The following PLCE1 variants were observed in gnomAD, a reference collection of about 807,000 sequenced individuals.
The protein encoded by PLCE1 is 1-phosphatidylinositol 4,5-bisphosphate phosphodiesterase epsilon-1.
PLCE1 carries 119 observed loss-of-function variants against 242.8 expected under a neutral mutation model. The ratio of observed to expected loss-of-function variants is 0.49; its 90% CI spans 0.42 to 0.57. PLCE1 has a LOEUF of 0.57. PLCE1 is among the 20% of genes least tolerant of loss of function. The pLI is 0.00. For missense variants in PLCE1, 2,441 were observed against 2,788.8 expected (o/e 0.88, Z 2.81); for synonymous variants, 945 against 1,017.4 (o/e 0.93, Z 1.35).
chr10:94,006,225 T>C (rs1438795927), intron 1 of PLCE1, among the ~76,000 whole-genome samples: 1 of 152,258 alleles, frequency 6.6e-6, no homozygotes, highest in East Asian at 1.9e-4. Flanking sequence ...TTCATGGGGT[T>C]GTGATGAGGA....
intron 3 of PLCE1, among the ~76,000 whole-genome samples, chr10:94,140,534 C>T (rs961931359): frequency 2.0e-5 from 3 of 152,176 alleles, no homozygotes; most frequent in African/African-American, 7.2e-5. Context: ...CACAGTGAGA[C>T]TCCCATCAAG....
chr10:94,119,299 T>TA (rs1307152223), intron 2 of PLCE1, among the ~76,000 whole-genome samples: 1 of 152,086 alleles, frequency 6.6e-6, no homozygotes, highest in Non-Finnish European at 1.5e-5. Flanking sequence ...CTTCAATACT[T>TA]AAAAAAATAC....
intron 27 of PLCE1, among the ~76,000 whole-genome samples, chr10:94,309,258 G>C (rs2053304470): frequency 6.6e-6 from 1 of 152,218 alleles, no homozygotes; most frequent in African/African-American, 2.4e-5. Context: ...AGATGCAGAA[G>C]CTGCTCCCTT....
rs745620771 is a variant in PLCE1, at chr10:94,284,971, A to G, written c.5035+6A>G. 6 of 1,421,778 alleles carry G rather than the reference A, an allele frequency of 4.2e-6. No homozygotes were observed. The highest frequency in any genetic ancestry group is 1.7e-5 in the Admixed American group (1 of 59,740). The allele number at this position is 1,421,778 out of a possible 1,614,324, so 88.1% of individuals were successfully genotyped here. A position where few individuals can be genotyped will look rare whatever the true frequency, so the allele number is the denominator to read the frequency against. ...TCAAGCAGTAAAATTTCCAGGTAAG[A>G]TTAGGCAATATCATCTATAACTTTT... On this transcript the variant is annotated splice_donor_region_variant and intron_variant, in intron 22 of 32. Transcript: ENST00000371380.
intron 18 of PLCE1, among the ~76,000 whole-genome samples, chr10:94,272,685 C>T (rs995160541): frequency 3.9e-5 from 6 of 152,252 alleles, no homozygotes; most frequent in South Asian, 2.1e-4. Context: ...CTGGTCCCTC[C>T]GTTCGGGATC....
chr10:94,276,223 T>C (rs11187837), intron 19 of PLCE1, among the ~76,000 whole-genome samples: 13,123 of 152,264 alleles, frequency 0.086, 712 homozygotes, highest in East Asian at 0.19. Flanking sequence ...TCCTCTCTTG[T>C]AGCCTGCATT....
chr10:94,002,525 A>T (rs964860441), intron 1 of PLCE1, among the ~76,000 whole-genome samples: 1 of 152,224 alleles, frequency 6.6e-6, no homozygotes, highest in African/African-American at 2.4e-5. Context: ...ACTCATTTTT[A>T]AAAAAATCTT....
chr10:94,095,218 T>C (rs1210403752), intron 2 of PLCE1, among the ~76,000 whole-genome samples: 1 of 152,244 alleles, frequency 6.6e-6, no homozygotes, highest in Non-Finnish European at 1.5e-5. Context: ...GACAGGCACA[T>C]TCAAGAAAGA....
chr10:94,260,837 A>AT (rs1338530803), intron 13 of PLCE1, among the ~76,000 whole-genome samples: 5 of 152,154 alleles, frequency 3.3e-5, no homozygotes, highest in African/African-American at 9.6e-5. Flanking sequence ...CTTAGACTTT[A>AT]TTTTTAGAGC....
At chr10:94,187,349 C>T (rs1313876780) in intron 4 of PLCE1, among the ~76,000 whole-genome samples, 1 of 152,094 alleles carries the variant, frequency 6.6e-6, no homozygotes, top group Non-Finnish European at 1.5e-5. Flanking sequence ...TGTCAGTATT[C>T]ATTCCGTGTA....
chr10:94,280,233 A>C, intron 20 of PLCE1: 1 of 387,384 alleles, frequency 2.6e-6, no homozygotes, highest in Non-Finnish European at 4.9e-6. Flanking sequence ...TAATCTTGGC[A>C]GGAGTCGTAG....
intron 1 of PLCE1, among the ~76,000 whole-genome samples, chr10:94,027,112 C>T: frequency 6.6e-6 from 1 of 152,218 alleles, no homozygotes; most frequent in East Asian, 1.9e-4. Flanking sequence ...CTGAAAACTC[C>T]ACCCCACCTG....
chr10:94,229,467 A>G (rs185224610), intron 5 of PLCE1, among the ~76,000 whole-genome samples: 14 of 152,268 alleles, frequency 9.2e-5, no homozygotes, highest in African/African-American at 3.4e-4. Context: ...GGAATCATAC[A>G]TAGTCACTCT....
In PLCE1 at chr10:94,298,385, G is replaced by T. The variant is rs780773220; in HGVS notation, c.5174G>T (p.Cys1725Phe). ...SFNKTSGKSSCEGIRQTWEES... is the reference protein window; with the variant it reads ...SFNKTSGKSSFEGIRQTWEES... ...AATTTCTTGGGGGGTTTAGGTTCCTGTGAAGGCATTCGACAGACCTGGGAG... is the reference window on the plus strand; with the variant it reads ...AATTTCTTGGGGGGTTTAGGTTCCTTTGAAGGCATTCGACAGACCTGGGAG... The change falls in exon 24 of 33, where the codon TGT becomes TTT. Residue 1725 changes from cysteine (C) to phenylalanine (F), a missense_variant. This residue lies in a region of PLCE1 where 1,004 missense variants were observed against 1,322.7 expected (regional missense o/e 0.76). Coordinates refer to ENST00000371380, the MANE Select transcript of PLCE1 (RefSeq NM_016341.4). This position sits in a 1 kb window ranked among gnomAD's most constrained non-coding sequence, Gnocchi z 5.2. 1.9e-6 allele frequency: 3 copies of T among 1,614,084 alleles called. No individual in the cohort carries two copies. The Admixed American group carries it at 5.0e-5, about 27-fold the overall frequency.
chr10:94,199,424 T>C (rs1157088677), intron 4 of PLCE1, among the ~76,000 whole-genome samples: 1 of 152,216 alleles, frequency 6.6e-6, no homozygotes, highest in East Asian at 1.9e-4. Context: ...CACTCAGGAT[T>C]GTTGTAAAGA....
At position 94,270,492 on chromosome 10, in the gene PLCE1, G is replaced by C. The variant is rs767410318; in HGVS notation, c.4396G>C (p.Val1466Leu). The change falls in exon 18 of 33, where the codon GTT becomes CTT. Residue 1466 changes from valine to leucine, a missense_variant. This residue lies in a region of PLCE1 where 1,004 missense variants were observed against 1,322.7 expected (regional missense o/e 0.76). Coordinates refer to ENST00000371380, the MANE Select transcript of PLCE1 (RefSeq NM_016341.4). Reference protein sequence around the residue: ...LTTKIPFKEVVEAIDRSAFIN... With the variant: ...LTTKIPFKEVLEAIDRSAFIN... ...GCTGTTTTGGCTCTCATAGGAAGTG[G>C]TTGAAGCCATTGATCGCAGTGCCTT... 1.9e-6 allele frequency: 3 copies of C among 1,610,614 alleles called. No homozygotes were observed. Among genetic ancestry groups the C allele is most frequent in the Non-Finnish European group, 2.5e-6 (3 of 1,176,964 alleles).
chr10:94,031,053 T>A lies in PLCE1; in HGVS notation c.7T>A (p.Ser3Thr). Residue 3 changes from serine to threonine, a missense_variant, in exon 2 of 33, where the codon TCT becomes ACT. Coordinates refer to ENST00000371380, the MANE Select transcript of PLCE1 (RefSeq NM_016341.4). MT[S>T]EEMTASVLIP... Reference sequence around the variant, plus strand: ...ACCTGTGTGTTAGTCCAAGATGACTTCTGAAGAAATGACAGCTTCTGTTCT... The same window carrying A: ...ACCTGTGTGTTAGTCCAAGATGACTACTGAAGAAATGACAGCTTCTGTTCT... 1.2e-6 allele frequency: 2 copies of A among 1,613,660 alleles called. No homozygotes were observed. Among genetic ancestry groups the A allele is most frequent in the Middle Eastern group, 1.7e-4 (1 of 6,054 alleles).
chr10:94,138,360 G>A (rs2046850639), intron 3 of PLCE1: 2 of 390,162 alleles, frequency 5.1e-6, no homozygotes, highest in Non-Finnish European at 1.0e-5. Flanking sequence ...TTTCATAAAT[G>A]AGGAGAGTAC....
intron 3 of PLCE1, among the ~76,000 whole-genome samples, chr10:94,152,896 CA>C (rs2047317050): frequency 6.6e-6 from 1 of 152,030 alleles, no homozygotes; most frequent in Non-Finnish European, 1.5e-5. Context: ...TGTTCAAAAT[CA>C]GAAATATCAT....
Sources: allele counts gnomAD v4.1 joint callset (sites outside exome capture counted in the v4.1 genomes callset), GRCh38; gene constraint gnomAD v4.1.1; regional missense constraint gnomAD v4.1.1; non-coding constraint Gnocchi (gnomAD v3.1); transcripts MANE v1.5; gene names NCBI Gene and HGNC (gene_info 2026-07-23, HGNC 2026-07-21).